ZYG11B: variants seen among roughly 807,000 people sequenced by gnomAD.
The protein encoded by ZYG11B is zyg-11 family member B, cell cycle regulator, also known as protein zyg-11 homolog B.
Under a neutral mutation model 82.4 loss-of-function variants are expected in ZYG11B, and 36 were observed. The ratio of observed to expected loss-of-function variants is 0.44; its 90% CI spans 0.33 to 0.58. The LOEUF is 0.58. Among genes scored for constraint, ZYG11B ranks in the 20% least tolerant of loss-of-function variants. The pLI, the probability that ZYG11B is intolerant of heterozygous loss-of-function variation, is 0.02. For missense variants in ZYG11B, 552 were observed against 895.6 expected (o/e 0.62, Z 4.90); for synonymous variants, 303 against 312.8 (o/e 0.97, Z 0.33).
intron 12 of ZYG11B, among the ~76,000 whole-genome samples, chr1:52,814,274 G>C (rs1361054806): frequency 6.6e-6 from 1 of 152,156 alleles, no homozygotes; most frequent in Non-Finnish European, 1.5e-5. Context: ...GCCTGCCTGG[G>C]CCCCCCTAAG....
rs138903510 is a variant in ZYG11B at position 52,792,943 on chromosome 1, C to T, written c.1334+2876C>T. On this transcript the variant is annotated intron_variant, in intron 6 of 13. Transcript: ENST00000294353. ...GCAACCTCTGCTTCCCAGGTTCAAG[C>T]AATTCTCCTGCCTCAGTCTCCTGAG... Among the ~76,000 whole-genome samples the T allele has an allele frequency of 6.3e-3, 957 of 152,186 alleles. 12 individuals are homozygous for T. The highest frequency in any genetic ancestry group is 0.022 in the African/African-American group (919 of 41,522).
At chr1:52,789,047 G>C (rs1457550311) in intron 5 of ZYG11B, among the ~76,000 whole-genome samples, 1 of 152,070 alleles carries the variant, frequency 6.6e-6, no homozygotes, top group African/African-American at 2.4e-5. Context: ...CATCTGTGAT[G>C]AATATAAAAC....
At chr1:52,820,161 G>C (rs1293588045) in intron 13 of ZYG11B, among the ~76,000 whole-genome samples, 3 of 151,224 alleles carry the variant, frequency 2.0e-5, no homozygotes, top group African/African-American at 4.9e-5. Flanking sequence ...TTATCTGCTC[G>C]CCTCGGCCTC....
chr1:52,819,792 AAATAATAAT>A (rs67913247), intron 13 of ZYG11B, among the ~76,000 whole-genome samples: 1 of 149,562 alleles, frequency 6.7e-6, no homozygotes, highest in Non-Finnish European at 1.5e-5. Flanking sequence ...TCTGAAAAAA[AAATAATAAT>A]AATAATAATA....
At chr1:52,739,079 C>T (rs1257084165) in intron 1 of ZYG11B, among the ~76,000 whole-genome samples, 1 of 150,862 alleles carries the variant, frequency 6.6e-6, no homozygotes, top group Non-Finnish European at 1.5e-5. Context: ...CCTCCGCCTC[C>T]CGGGGTCAAG....
rs757800921 is a variant in ZYG11B at position 52,784,842 on chromosome 1, A to G, written c.1093-35A>G. On this transcript the variant is annotated intron_variant, in intron 4 of 13. Transcript: ENST00000294353. ...CTCTGTGAAGAGGGCTTGTATTTAT[A>G]AGGTGAATTAAGAGGACTAATTTTT... 9.4e-6 allele frequency: 15 copies of G among 1,596,904 alleles called. No homozygotes were observed. In the South Asian group the frequency reaches 1.7e-4, roughly 18 times the overall value.
intron 3 of ZYG11B, among the ~76,000 whole-genome samples, chr1:52,776,583 A>G (rs1644812814): frequency 6.6e-6 from 1 of 151,894 alleles, no homozygotes; most frequent in Non-Finnish European, 1.5e-5. Context: ...TTCCAGTAAC[A>G]AGAGTTCTTT....
At chr1:52,744,866 G>A (rs998925976) in intron 1 of ZYG11B, among the ~76,000 whole-genome samples, 1 of 152,132 alleles carries the variant, frequency 6.6e-6, no homozygotes, top group Non-Finnish European at 1.5e-5. Context: ...TTCTAGAGAA[G>A]TCATTTTTGT....
intron 1 of ZYG11B, among the ~76,000 whole-genome samples, chr1:52,728,607 T>A (rs1343223151): frequency 6.6e-6 from 1 of 152,208 alleles, no homozygotes; most frequent in African/African-American, 2.4e-5. Context: ...GGTATGATGA[T>A]ATACTTTTCA....
chr1:52,788,648 G>C (rs1644932326), intron 5 of ZYG11B, among the ~76,000 whole-genome samples: 1 of 152,150 alleles, frequency 6.6e-6, no homozygotes, highest in Admixed American at 6.5e-5. Flanking sequence ...AGGATCACTT[G>C]AGTGCCAGGA....
At chr1:52,728,010 C>T (rs1056130060) in intron 1 of ZYG11B, among the ~76,000 whole-genome samples, 1 of 152,134 alleles carries the variant, frequency 6.6e-6, no homozygotes, top group African/African-American at 2.4e-5. Context: ...CCCTAACTCA[C>T]TCCTGCATTT....
chr1:52,807,666 AT>A (rs995359255), intron 10 of ZYG11B, among the ~76,000 whole-genome samples: 2 of 151,110 alleles, frequency 1.3e-5, no homozygotes, highest in Non-Finnish European at 3.0e-5. Context: ...TAATTTTTAA[AT>A]TTTTGTAGAG....
rs1412027021 is a variant in ZYG11B at position 52,803,115 on chromosome 1, TATACACAC to T, written c.1695+980_1695+987del. 5.8e-3 allele frequency among the ~76,000 whole-genome samples: 335 copies of T among 58,250 alleles called. 19 individuals are homozygous for T. The highest frequency in any genetic ancestry group is 0.026 in the African/African-American group (229 of 8,950). 38.2% of individuals were successfully genotyped at this position (58,250 alleles called of 152,430 possible). On this transcript the variant is annotated intron_variant, in intron 10 of 13. Transcript: ENST00000294353. Reference sequence around the variant, plus strand: ...ATATATATACATATATATATATATATATACACACATATATATATACACACATATATATA... The same window carrying T: ...ATATATATACATATATATATATATATATATATATATACACACATATATATA...
intron 2 of ZYG11B, among the ~76,000 whole-genome samples, chr1:52,762,212 C>CTTT (rs1438109698): frequency 4.6e-5 from 6 of 131,492 alleles, no homozygotes; most frequent in South Asian, 2.4e-4. Flanking sequence ...GTTGCCTGTG[C>CTTT]TTTTTTTTTT....
At chr1:52,805,586 C>CT (rs1413194482) in intron 10 of ZYG11B, 1 of 436,824 alleles carries the variant, frequency 2.3e-6, no homozygotes, top group Non-Finnish European at 4.6e-6. Context: ...AATCCCAGCA[C>CT]TTTGGGAGGC....
intron 2 of ZYG11B, among the ~76,000 whole-genome samples, chr1:52,757,392 C>T (rs535675712): frequency 2.0e-5 from 3 of 151,598 alleles, no homozygotes; most frequent in Middle Eastern, 3.2e-3. Flanking sequence ...TACCTTACAT[C>T]GGGCCGGGCG....
intron 1 of ZYG11B, among the ~76,000 whole-genome samples, chr1:52,746,089 T>G (rs1300864974): frequency 6.6e-6 from 1 of 151,788 alleles, no homozygotes; most frequent in African/African-American, 2.4e-5. Context: ...GCCTCCTGAG[T>G]AGCAACTACA....
chr1:52,820,843 G>A (rs1205190055), intron 13 of ZYG11B, among the ~76,000 whole-genome samples: 1 of 151,806 alleles, frequency 6.6e-6, no homozygotes, highest in African/African-American at 2.4e-5. Context: ...GCTCATGCCT[G>A]TAATTCTAGT....
intron 3 of ZYG11B, among the ~76,000 whole-genome samples, chr1:52,777,008 G>A (rs1229425829): frequency 6.6e-6 from 1 of 152,040 alleles, no homozygotes; most frequent in Non-Finnish European, 1.5e-5. Context: ...TCAGGAGTTC[G>A]AGACCAGCCT....
Sources: gnomAD v4.1 joint callset for allele counts (sites outside exome capture counted in the v4.1 genomes callset) on GRCh38, gnomAD v4.1.1 for gene constraint, MANE v1.5 for transcripts, NCBI Gene and HGNC (gene_info 2026-07-23, HGNC 2026-07-21) for gene names.